ODF2: variants seen among roughly 807,000 people sequenced by gnomAD.
ODF2 encodes outer dense fiber of sperm tails 2, also known as outer dense fiber protein 2.
ODF2 carries 47 observed loss-of-function variants against 110.2 expected under a neutral mutation model. The observed-to-expected ratio is 0.43, with a 90% CI of 0.34 to 0.54. The LOEUF is 0.54. Among genes scored for constraint, ODF2 ranks in the 20% least tolerant of loss-of-function variants. The pLI, the probability that ODF2 is intolerant of heterozygous loss-of-function variation, is 0.03. For missense variants in ODF2, 812 were observed against 1,054.5 expected (o/e 0.77, Z 3.19); for synonymous variants, 352 against 397.7 (o/e 0.89, Z 1.37).
intron 18 of ODF2, among the ~76,000 whole-genome samples, chr9:128,496,459 T>C (rs545220861): frequency 3.3e-5 from 5 of 152,300 alleles, no homozygotes; most frequent in Non-Finnish European, 7.4e-5. Flanking sequence ...GCCAGTATAC[T>C]GTGGTGGGGG....
chr9:128,456,923 TCTC>T, intron 1 of ODF2: 1 of 1,252,698 alleles, frequency 8.0e-7, no homozygotes, highest in Non-Finnish European at 1.0e-6. Context: ...TAACGCCCCT[TCTC>T]CTAGGAGACA....
intron 5 of ODF2, 77 bp from the exon 6 acceptor site, chr9:128,471,231 C>A: frequency 6.9e-7 from 1 of 1,446,574 alleles, no homozygotes; most frequent in Non-Finnish European, 9.2e-7. Flanking sequence ...TATTTTGGTC[C>A]AAAGCATTGA....
intron 20 of ODF2, 104 bp from the exon 21 acceptor site, chr9:128,499,963 G>T: frequency 8.4e-7 from 1 of 1,191,768 alleles, no homozygotes; most frequent in South Asian, 1.4e-5. Flanking sequence ...CTCCACACTC[G>T]CCTCCCCAAA....
At chr9:128,484,032 G>T in exon 11 of ODF2, 1 of 1,612,284 alleles carries the variant, frequency 6.2e-7, no homozygotes. Context: ...GCTGAGAACA[G>T]TCGCCTGTGC....
chr9:128,457,531 A>G, intron 2 of ODF2: 1 of 1,439,518 alleles, frequency 6.9e-7, no homozygotes. Context: ...CAGCTTCCTC[A>G]TTGTGTTTGC....
intron 8 of ODF2, among the ~76,000 whole-genome samples, chr9:128,474,541 A>G (rs1840822975): frequency 6.6e-6 from 1 of 151,918 alleles, no homozygotes; most frequent in African/African-American, 2.4e-5. Context: ...GGCGCCAGTA[A>G]TCTCAGCTCC....
rs1196537535 is a variant in ODF2, at chr9:128,494,931, T to G, written c.1911+263T>G. ...TGCTGTTGCCCCCACCCAAGACTGC[T>G]GCCTCTGCCTGTGTGCTCCGCAGCT... On this transcript the variant is annotated intron_variant, in intron 17 of 20. Transcript: ENST00000604420. This position sits in a 1 kb window ranked among gnomAD's most constrained non-coding sequence, Gnocchi z 4.6. The G allele has an allele frequency of 7.5e-6, 8 of 1,060,528 alleles. No homozygotes were observed. Among genetic ancestry groups the G allele is most frequent in the Non-Finnish European group, 1.1e-5 (8 of 760,964 alleles). 65.7% of individuals were successfully genotyped at this position (1,060,528 alleles called of 1,614,324 possible).
At chr9:128,461,150 C>T (rs1836342843) in intron 4 of ODF2, 83 bp downstream of exon 4, 1 of 1,520,256 alleles carries the variant, frequency 6.6e-7, no homozygotes, top group South Asian at 1.2e-5. Flanking sequence ...TCAGGGTCAG[C>T]TATAGCTACT....
At chr9:128,497,447 ATATATATATAT>A (rs1394039825) in intron 18 of ODF2, 5 of 37,868 alleles carry the variant, frequency 1.3e-4, no homozygotes, top group East Asian at 1.2e-3. Flanking sequence ...AAAAAAAAAA[ATATATATATAT>A]ATATATATAT....
rs71381765 is a variant in ODF2, at chr9:128,497,446, AATATATATATATATATATATAT to A, written c.2013-948_2013-927del. ...ACTAAAAAAAAAAAAAAAAAAAAAA[AATATATATATATATATATATAT>A]ATATATATATATATATATGTATAAA... On this transcript the variant is annotated intron_variant, in intron 18 of 20. Coordinates refer to ENST00000604420, the Ensembl canonical transcript of ODF2. 2.8e-4 allele frequency: 12 copies of A among 42,600 alleles called. 1 individual carries two copies. Among genetic ancestry groups the A allele is most frequent in the South Asian group, 1.9e-3 (2 of 1,050 alleles). 2.6% of individuals were successfully genotyped at this position (42,600 alleles called of 1,614,324 possible).
Position 128,485,607 on chromosome 9 carries a change from T to C in ODF2, c.1400+133T>C. 1.6e-6 allele frequency: 1 copy of C among 609,458 alleles called. No individual in the cohort carries two copies. The highest frequency in any genetic ancestry group is 3.0e-6 in the Non-Finnish European group (1 of 335,766). 37.8% of individuals were successfully genotyped at this position (609,458 alleles called of 1,614,324 possible). A position where few individuals can be genotyped will look rare whatever the true frequency, so the allele number is the denominator to read the frequency against. ...CTCCGGGTTGGGGGCTGCACTGGGC[T>C]GTGATGTGGGTAGCCCTGAGCTGGG... On this transcript the variant is annotated intron_variant, in intron 13 of 20. Coordinates refer to ENST00000604420, the Ensembl canonical transcript of ODF2. The surrounding 1 kb of genome is among the most constrained non-coding windows in gnomAD (Gnocchi z 5.0).
upstream of ODF2, chr9:128,455,249 A>G (rs1270155071): frequency 2.6e-6 from 4 of 1,534,722 alleles, no homozygotes; most frequent in Admixed American, 3.9e-5. Context: ...AGAGCGGCAT[A>G]GAGAGTGCAG....
chr9:128,460,463 C>T, intron 3 of ODF2, 87 bp from the exon 3 acceptor site: 8 of 1,552,520 alleles, frequency 5.2e-6, no homozygotes, highest in Non-Finnish European at 7.0e-6. Flanking sequence ...TTTTTGGTGG[C>T]CCCCAGAGGC....
chr9:128,467,606 A>G (rs1838574370), intron 4 of ODF2, among the ~76,000 whole-genome samples: 1 of 151,856 alleles, frequency 6.6e-6, no homozygotes, highest in Non-Finnish European at 1.5e-5. Context: ...TCAGCTGGGC[A>G]TGGTGGTAGG....
intron 13 of ODF2, among the ~76,000 whole-genome samples, chr9:128,487,205 C>A (rs1291581022): frequency 1.3e-5 from 2 of 152,180 alleles, no homozygotes; most frequent in East Asian, 3.8e-4. Context: ...CCTTGGCCTC[C>A]CAAAGCACTG....
chr9:128,491,021 A>T (rs1034399551), intron 14 of ODF2, among the ~76,000 whole-genome samples: 90 of 150,550 alleles, frequency 6.0e-4, no homozygotes, highest in Non-Finnish European at 1.2e-3. Context: ...TTTTTTTTTT[A>T]AATATATTTT....
chr9:128,456,399 C>T, intron 1 of ODF2, 144 bp downstream of exon 1: 2 of 1,456,154 alleles, frequency 1.4e-6, no homozygotes, highest in Non-Finnish European at 1.8e-6. Context: ...CCCCTCCTGT[C>T]AGAACCTGGG....
In ODF2 at chr9:128,485,376, C is replaced by T. The variant is rs752732165; in HGVS notation, c.1302C>T (p.Val434=). The stretch of plus-strand genomic sequence containing the variant: ...TCCCGTGTTCCCAGGATCTTTATGT[C>T]GCTGAAGCTTTATCCACTCTGGAAT... Residue 434 remains valine (V), a synonymous_variant, in exon 13 of 21, where the codon GTC becomes GTT. Coordinates refer to ENST00000604420, the Ensembl canonical transcript of ODF2. This position sits in a 1 kb window ranked among gnomAD's most constrained non-coding sequence, Gnocchi z 5.0. 4.4e-6 allele frequency: 7 copies of T among 1,598,186 alleles called. No homozygotes were observed. The highest frequency in any genetic ancestry group is 1.7e-5 in the Admixed American group (1 of 59,768).
At chr9:128,459,530 T>A in intron 2 of ODF2, 37 bp from the exon 2 acceptor site, 1 of 1,528,800 alleles carries the variant, frequency 6.5e-7, no homozygotes, top group South Asian at 1.1e-5. Context: ...TTGCCCTAGT[T>A]TTCTGCTTAC....
Sources: gnomAD v4.1 joint callset for allele counts (sites outside exome capture counted in the v4.1 genomes callset) on GRCh38, gnomAD v4.1.1 for gene constraint, Gnocchi (gnomAD v3.1) non-coding constraint, MANE v1.5 for transcripts, NCBI Gene and HGNC (gene_info 2026-07-23, HGNC 2026-07-21) for gene names.